The following HDGFL3 variants were observed in gnomAD, a reference collection of about 807,000 sequenced individuals.
HDGFL3 encodes the protein HDGF like 3.
HDGFL3 carries 6 observed loss-of-function variants against 27.6 expected under a neutral mutation model. The ratio of observed to expected loss-of-function variants is 0.22; its 90% CI spans 0.12 to 0.43. The LOEUF (loss-of-function observed/expected upper bound fraction) is 0.43. Among genes scored for constraint, HDGFL3 ranks in the 20% least tolerant of loss-of-function variants. The probability of loss-of-function intolerance (pLI) is 1.00; values close to 1 mark genes in which losing one functional copy is unlikely to be tolerated. For synonymous variants in HDGFL3, 88 were observed against 88.9 expected (o/e 0.99, Z 0.05); for missense variants, 207 against 250.1 (o/e 0.83, Z 1.16).
chr15:83,122,276 G>A (rs1190426047), intron 3 of HDGFL3, among the ~76,000 whole-genome samples: 1 of 152,104 alleles, frequency 6.6e-6, no homozygotes, highest in African/African-American at 2.4e-5. Context: ...TGAGTATGGT[G>A]TTTATGGCTA....
At chr15:83,151,059 T>G (rs1017916967) in intron 5 of HDGFL3, among the ~76,000 whole-genome samples, 156 bp downstream of exon 5, 2 of 152,160 alleles carry the variant, frequency 1.3e-5, no homozygotes, top group Admixed American at 1.3e-4. Context: ...CTCTAAGAAT[T>G]TGATTATATT....
chr15:83,205,615 T>A (rs932034135), intron 1 of HDGFL3, among the ~76,000 whole-genome samples: 22 of 152,232 alleles, frequency 1.4e-4, no homozygotes, highest in African/African-American at 5.3e-4. Flanking sequence ...TATCAGAAGA[T>A]ATTTTTCAAA....
chr15:83,129,218 C>G lies in HDGFL3; in HGVS notation c.*10052G>C, dbSNP rs2036029796. ...CTACACTAGTCTGAGCTCTCATTAC[C>G]TTACTTCATGCCAGGCAAACCACGT... On this transcript the variant is annotated 3_prime_UTR_variant, in exon 6 of 6. Transcript: ENST00000299633. The G allele has an allele frequency of 6.6e-6, 1 of 152,322 alleles. No homozygotes were observed. Among genetic ancestry groups the G allele is most frequent in the South Asian group, 2.1e-4 (1 of 4,826 alleles). The allele number at this position is 152,322 out of a possible 1,614,324, so 9.4% of individuals were successfully genotyped here.
chr15:83,201,179 T>C (rs2037640680), intron 1 of HDGFL3, among the ~76,000 whole-genome samples: 1 of 142,898 alleles, frequency 7.0e-6, no homozygotes, highest in Non-Finnish European at 1.5e-5. Context: ...CTAGAGTGAA[T>C]GACTAGTTTT....
intron 1 of HDGFL3, chr15:83,179,285 C>T (rs1271846771): frequency 2.0e-5 from 3 of 152,300 alleles, no homozygotes; most frequent in Non-Finnish European, 2.9e-5. Context: ...TGCTGTCTGT[C>T]TCATCTGTCC....
In HDGFL3 at chr15:83,131,159, T is replaced by C. The variant is rs2151381848; in HGVS notation, c.*8111A>G. ...TTTTCTGTAACTTTAATCAGCATCT[T>C]TGCTTGCTAAAATTGCCATTCTTAT... On this transcript the variant is annotated 3_prime_UTR_variant, in exon 6 of 6. Transcript: ENST00000299633. 6.6e-6 allele frequency: 1 copy of C among 152,262 alleles called. No homozygotes were observed. The highest frequency in any genetic ancestry group is 3.4e-3 in the Middle Eastern group (1 of 294). 9.4% of individuals were successfully genotyped at this position (152,262 alleles called of 1,614,324 possible). A position where few individuals can be genotyped will look rare whatever the true frequency, so the allele number is the denominator to read the frequency against.
intron 5 of HDGFL3, among the ~76,000 whole-genome samples, chr15:83,140,577 G>A (rs1168861602): frequency 1.3e-5 from 2 of 150,410 alleles, no homozygotes; most frequent in Non-Finnish European, 2.9e-5. Flanking sequence ...CACCTCCCCG[G>A]TTCAAGTGAT....
chr15:83,190,718 T>A (rs968611751), intron 1 of HDGFL3, among the ~76,000 whole-genome samples: 2 of 152,202 alleles, frequency 1.3e-5, no homozygotes, highest in Non-Finnish European at 1.5e-5. Flanking sequence ...TTGTGGCTTA[T>A]CTTTTCAATT....
intron 1 of HDGFL3, among the ~76,000 whole-genome samples, chr15:83,196,571 AC>A (rs1180931166): frequency 2.0e-5 from 3 of 152,136 alleles, no homozygotes; most frequent in Non-Finnish European, 2.9e-5. Context: ...GCCAAATATG[AC>A]CTGAGGAAAA....
At chr15:83,148,959 C>T (rs1012645838) in intron 5 of HDGFL3, among the ~76,000 whole-genome samples, 2 of 152,054 alleles carry the variant, frequency 1.3e-5, no homozygotes, top group African/African-American at 4.8e-5. Context: ...GGAAAGAATA[C>T]GTAAATAGAT....
At chr15:83,204,014 G>A (rs1192315824) in intron 1 of HDGFL3, among the ~76,000 whole-genome samples, 1 of 144,714 alleles carries the variant, frequency 6.9e-6, no homozygotes, top group Non-Finnish European at 1.5e-5. Context: ...CACAAAATTA[G>A]GCATACTAGA....
chr15:83,113,239 C>G, exon 4 of HDGFL3: 1 of 384,972 alleles, frequency 2.6e-6, no homozygotes, highest in South Asian at 2.6e-5. Flanking sequence ...ACTAGCAGTC[C>G]CCCCCACTTA....
intron 2 of HDGFL3, among the ~76,000 whole-genome samples, chr15:83,159,456 G>C (rs528481967): frequency 6.6e-6 from 1 of 152,268 alleles, no homozygotes; most frequent in East Asian, 1.9e-4. Context: ...AGGAGCTACA[G>C]GGAACAAAGA....
chr15:83,158,034 G>T lies in HDGFL3; in HGVS notation c.169C>A (p.Leu57Ile), dbSNP rs779885695. The T allele has an allele frequency of 1.2e-6, 2 of 1,607,920 alleles. No individual in the cohort carries two copies. Among genetic ancestry groups the T allele is most frequent in the South Asian group, 2.2e-5 (2 of 90,458 alleles). ...FFFGTHETAF[L>I]GPKDLFPYKE... The stretch of plus-strand genomic sequence containing the variant: ...TATGGAAAAAGGTCTTTGGGACCTA[G>T]AAATGCACTGCAGAGACATATTAGA... The change falls in exon 3 of 6, where the codon CTA becomes ATA. Residue 57 changes from leucine to isoleucine, a missense_variant. Coordinates refer to ENST00000299633, the MANE Select transcript of HDGFL3 (RefSeq NM_016073.4).
chr15:83,180,243 C>T (rs1160930088), intron 1 of HDGFL3, among the ~76,000 whole-genome samples: 4 of 152,012 alleles, frequency 2.6e-5, no homozygotes, highest in South Asian at 4.2e-4. Context: ...TGTGGAATAA[C>T]GTTCAATAAC....
chr15:83,195,782 A>G (rs938380422), intron 1 of HDGFL3, among the ~76,000 whole-genome samples: 4 of 152,106 alleles, frequency 2.6e-5, no homozygotes, highest in African/African-American at 2.4e-5. Context: ...GAAAAAAGGG[A>G]AAAAAATCTC....
chr15:83,193,097 C>A (rs2037531651), intron 1 of HDGFL3, among the ~76,000 whole-genome samples: 1 of 152,128 alleles, frequency 6.6e-6, no homozygotes, highest in East Asian at 1.9e-4. Context: ...CCGTTCTCTG[C>A]TTATTTGAAT....
chr15:83,151,575 C>G (rs1013762372), intron 4 of HDGFL3, among the ~76,000 whole-genome samples: 1 of 152,138 alleles, frequency 6.6e-6, no homozygotes, highest in Non-Finnish European at 1.5e-5. Context: ...GGAAAGGAAG[C>G]AGAAGTGGGC....
chr15:83,172,187 G>C (rs1001450758), intron 1 of HDGFL3, among the ~76,000 whole-genome samples: 1 of 152,080 alleles, frequency 6.6e-6, no homozygotes, highest in Admixed American at 6.5e-5. Context: ...AATGAATTTC[G>C]ATGCTTATAA....
Sources: allele counts gnomAD v4.1 joint callset (sites outside exome capture counted in the v4.1 genomes callset), GRCh38; gene constraint gnomAD v4.1.1; transcripts MANE v1.5; gene names NCBI Gene and HGNC (gene_info 2026-07-23, HGNC 2026-07-21).